NMNAT3: variants seen among roughly 807,000 people sequenced by gnomAD.
NMNAT3 encodes nicotinamide nucleotide adenylyltransferase 3.
A neutral mutation model predicts 24.8 loss-of-function variants in NMNAT3; 21 were observed. That is an observed-to-expected ratio of 0.85 (90% CI 0.60 to 1.22). The LOEUF (loss-of-function observed/expected upper bound fraction) is 1.22, where lower values mean the gene tolerates loss of function less well. Ranked by LOEUF, NMNAT3 falls within the 50% of genes most tolerant of loss-of-function variation. The pLI, the probability that NMNAT3 is intolerant of heterozygous loss-of-function variation, is 0.00. For missense variants in NMNAT3, 387 were observed against 436.6 expected, an observed-to-expected ratio of 0.89 and a Z score of 1.01; for synonymous variants, 136 against 155.2, an observed-to-expected ratio of 0.88 and a Z score of 0.92.
chr3:139,572,166 C>T, intron 6 of NMNAT3: 1 of 398,772 alleles, frequency 2.5e-6, no homozygotes, highest in African/African-American at 2.1e-5. Context: ...TCTCTGTTCT[C>T]AGCCTGAGCC....
intron 3 of NMNAT3, among the ~76,000 whole-genome samples, chr3:139,608,257 C>T (rs964086493): frequency 6.6e-6 from 1 of 152,178 alleles, no homozygotes; most frequent in Non-Finnish European, 1.5e-5. Flanking sequence ...GACAGCATGG[C>T]CTGCTCAGAA....
chr3:139,643,991 T>C (rs1392645577), intron 1 of NMNAT3, among the ~76,000 whole-genome samples: 1 of 152,220 alleles, frequency 6.6e-6, no homozygotes, highest in Non-Finnish European at 1.5e-5. Flanking sequence ...TTCTGTTCTA[T>C]CAGGATTGTC....
intron 1 of NMNAT3, among the ~76,000 whole-genome samples, chr3:139,675,423 G>A (rs979589275): frequency 7.9e-5 from 12 of 152,138 alleles, no homozygotes; most frequent in African/African-American, 2.9e-4. Flanking sequence ...TCATCAAAAA[G>A]ACCATTTTAG....
intron 5 of NMNAT3, chr3:139,575,953 G>A (rs1342926666): frequency 3.6e-5 from 47 of 1,288,666 alleles, no homozygotes; most frequent in Non-Finnish European, 4.1e-5. Context: ...ATTTGTGTGT[G>A]ACCGTGATTA....
At chr3:139,658,303 A>G (rs1278164110) in intron 1 of NMNAT3, among the ~76,000 whole-genome samples, 1 of 152,172 alleles carries the variant, frequency 6.6e-6, no homozygotes, top group Non-Finnish European at 1.5e-5. Flanking sequence ...CCAGCACTGA[A>G]GAGTCTAGGC....
At chr3:139,576,072 G>GCTCTA in intron 5 of NMNAT3, 1 of 1,284,894 alleles carries the variant, frequency 7.8e-7, no homozygotes, top group Non-Finnish European at 1.0e-6. Flanking sequence ...TCCTCAGTAA[G>GCTCTA]CTCTACAGTG....
At position 139,648,772 on chromosome 3, in the gene NMNAT3, T is replaced by C. The variant is rs550192687; in HGVS notation, c.-140-10710A>G. ...CCAACAAGGGAATGGTTACATTCCA[T>C]GTAATACTATGCAGCTATTAAAAAG... is the stretch of plus-strand genomic sequence containing the variant. On this transcript the variant is annotated intron_variant, in intron 1 of 6. Coordinates refer to ENST00000643695, the MANE Select transcript of NMNAT3 (RefSeq NM_001320510.2). Among the ~76,000 whole-genome samples, 8 of 152,342 alleles carry C rather than the reference T, an allele frequency of 5.3e-5. No individual in the cohort carries two copies. In the South Asian group the frequency reaches 1.4e-3, roughly 28 times the overall value.
intron 3 of NMNAT3, among the ~76,000 whole-genome samples, chr3:139,601,800 A>C (rs2054730451): frequency 6.6e-6 from 1 of 152,178 alleles, no homozygotes; most frequent in Non-Finnish European, 1.5e-5. Context: ...AGCCCGAAAG[A>C]AGCTCTGAAC....
chr3:139,660,894 A>G (rs970732412), intron 1 of NMNAT3, among the ~76,000 whole-genome samples: 8 of 152,254 alleles, frequency 5.3e-5, no homozygotes, highest in Non-Finnish European at 1.2e-4. Context: ...ATGTAAAACC[A>G]AAAAGATTAG....
intron 2 of NMNAT3, 150 bp from the exon 3 acceptor site, chr3:139,634,797 T>C (rs2056439586): frequency 6.6e-6 from 1 of 152,352 alleles, no homozygotes; most frequent in South Asian, 2.1e-4. Flanking sequence ...GCCATACTCA[T>C]AATTTGGGAC....
intron 3 of NMNAT3, among the ~76,000 whole-genome samples, chr3:139,601,276 A>C (rs1477880949): frequency 1.3e-5 from 2 of 152,250 alleles, no homozygotes; most frequent in African/African-American, 4.8e-5. Context: ...TTGCAGTAAC[A>C]GGAATTTGAG....
intron 1 of NMNAT3, among the ~76,000 whole-genome samples, chr3:139,652,747 C>G (rs1448320514): frequency 6.6e-6 from 1 of 152,196 alleles, no homozygotes; most frequent in Admixed American, 6.5e-5. Flanking sequence ...AGATGTCCTG[C>G]AGCCTCTTCC....
chr3:139,646,322 G>C (rs1400262892), intron 1 of NMNAT3, among the ~76,000 whole-genome samples: 2 of 152,178 alleles, frequency 1.3e-5, no homozygotes, highest in Non-Finnish European at 2.9e-5. Context: ...ACTTAGCCAT[G>C]GTCTGGGATT....
chr3:139,619,951 T>C (rs142030261), intron 3 of NMNAT3, among the ~76,000 whole-genome samples: 3 of 152,296 alleles, frequency 2.0e-5, no homozygotes, highest in African/African-American at 7.2e-5. Context: ...ATTTAAACAA[T>C]AATTTTTAAA....
intron 3 of NMNAT3, chr3:139,599,133 T>G: frequency 1.8e-6 from 1 of 565,036 alleles, no homozygotes; most frequent in Non-Finnish European, 3.1e-6. Flanking sequence ...AAGACTTCAT[T>G]ATTTCCACAG....
chr3:139,630,477 C>A (rs143825252), intron 2 of NMNAT3, among the ~76,000 whole-genome samples: 1 of 152,186 alleles, frequency 6.6e-6, no homozygotes, highest in Non-Finnish European at 1.5e-5. Flanking sequence ...AAACCACAAG[C>A]GACATTTTAT....
intron 1 of NMNAT3, among the ~76,000 whole-genome samples, chr3:139,647,209 C>A (rs1227449389): frequency 6.6e-6 from 1 of 152,218 alleles, no homozygotes; most frequent in Non-Finnish European, 1.5e-5. Flanking sequence ...GCCACACAGT[C>A]TCCAATTTAA....
At chr3:139,655,582 G>A (rs758382480) in intron 1 of NMNAT3, among the ~76,000 whole-genome samples, 2 of 151,952 alleles carry the variant, frequency 1.3e-5, no homozygotes. Flanking sequence ...CATTGTAGCT[G>A]CAAATTACCC....
At chr3:139,591,944 C>T in intron 3 of NMNAT3, among the ~76,000 whole-genome samples, 1 of 152,182 alleles carries the variant, frequency 6.6e-6, no homozygotes, top group Non-Finnish European at 1.5e-5. Context: ...AGTTCCTCAC[C>T]AGCAATGGAA....
Sources: allele counts gnomAD v4.1 joint callset (sites outside exome capture counted in the v4.1 genomes callset), GRCh38; gene constraint gnomAD v4.1.1; transcripts MANE v1.5; gene names NCBI Gene and HGNC (gene_info 2026-07-23, HGNC 2026-07-21).